Variants in MECOM observed in about 807,000 individuals in gnomAD.
MECOM encodes MDS1 and EVI1 complex locus.
MECOM carries 13 observed loss-of-function variants against 116.3 expected under a neutral mutation model. The observed-to-expected ratio is 0.11, with a 90% CI of 0.07 to 0.18. The LOEUF is 0.18. Ranked by LOEUF, MECOM falls within the 10% of genes least tolerant of loss-of-function variation. The pLI, the probability that MECOM is intolerant of heterozygous loss-of-function variation, is 1.00. For missense variants in MECOM, 1,299 were observed against 1,509.0 expected, an observed-to-expected ratio of 0.86 and a Z score of 2.31; for synonymous variants, 528 against 535.2, an observed-to-expected ratio of 0.99 and a Z score of 0.19.
chr3:169,423,730 G>T (rs1740162691), intron 1 of MECOM, among the ~76,000 whole-genome samples: 1 of 152,034 alleles, frequency 6.6e-6, no homozygotes. Flanking sequence ...GGAGGCTGAG[G>T]TCTGGGGGAG....
intron 1 of MECOM, among the ~76,000 whole-genome samples, chr3:169,659,808 G>A (rs1776039079): frequency 6.6e-6 from 1 of 152,060 alleles, no homozygotes; most frequent in South Asian, 2.1e-4. Flanking sequence ...CAGTTACTGG[G>A]CTGACAAGGT....
At chr3:169,208,753 A>G (rs2149468251) in intron 2 of MECOM, among the ~76,000 whole-genome samples, 1 of 152,282 alleles carries the variant, frequency 6.6e-6, no homozygotes, top group South Asian at 2.1e-4. Flanking sequence ...TATCATGAAA[A>G]TGGCCATACT....
At chr3:169,502,992 G>A (rs953265039) in intron 1 of MECOM, among the ~76,000 whole-genome samples, 5 of 152,042 alleles carry the variant, frequency 3.3e-5, no homozygotes, top group Non-Finnish European at 1.5e-5. Context: ...AATGAATTGA[G>A]AACACTAACA....
At position 169,084,752 on chromosome 3, in the gene MECOM, T is replaced by C. The variant is rs972646956; in HGVS notation, c.*157A>G. The C allele has an allele frequency of 9.3e-6, 7 of 755,400 alleles. No individual in the cohort carries two copies. Among genetic ancestry groups the C allele is most frequent in the Non-Finnish European group, 1.4e-5 (7 of 499,942 alleles). The allele number at this position is 755,400 out of a possible 1,614,324, so 46.8% of individuals were successfully genotyped here. A position where few individuals can be genotyped will look rare whatever the true frequency, so the allele number is the denominator to read the frequency against. Reference sequence around the variant, plus strand: ...AATAAATAGTTTCTTTTTTCTTTCTTTTCTTTTTTAAATCATTCAGTTTAA... The same window carrying C: ...AATAAATAGTTTCTTTTTTCTTTCTCTTCTTTTTTAAATCATTCAGTTTAA... On this transcript the variant is annotated 3_prime_UTR_variant, in exon 17 of 17. Transcript: ENST00000651503.
At chr3:169,095,274 G>C (rs770916724) in intron 12 of MECOM, 29 bp from the exon 13 acceptor site, 2 of 1,585,984 alleles carry the variant, frequency 1.3e-6, no homozygotes, top group Non-Finnish European at 1.7e-6. Context: ...GAAAATATTA[G>C]CAAGCACATT....
chr3:169,285,795 T>G (rs775525194), intron 2 of MECOM, among the ~76,000 whole-genome samples: 3 of 152,212 alleles, frequency 2.0e-5, no homozygotes, highest in Non-Finnish European at 2.9e-5. Context: ...TGCTATGGTG[T>G]TTCCTTGGGG....
At chr3:169,489,434 G>A (rs1425801240) in intron 1 of MECOM, among the ~76,000 whole-genome samples, 1 of 152,170 alleles carries the variant, frequency 6.6e-6, no homozygotes, top group Non-Finnish European at 1.5e-5. Flanking sequence ...AAGAATAAAT[G>A]ACTGAAACAA....
intron 6 of MECOM, 81 bp from the exon 7 acceptor site, chr3:169,121,290 A>G (rs1730951641): frequency 1.4e-6 from 2 of 1,389,084 alleles, no homozygotes. Flanking sequence ...CTCAAGAAGA[A>G]ATTTTTCTTA....
chr3:169,242,604 C>T (rs2149554589), intron 2 of MECOM, among the ~76,000 whole-genome samples: 1 of 152,200 alleles, frequency 6.6e-6, no homozygotes, highest in Admixed American at 6.5e-5. Flanking sequence ...GAGCAGGACG[C>T]GGGCTGCTCT....
intron 2 of MECOM, chr3:169,149,685 A>G (rs765036036): frequency 1.2e-4 from 56 of 485,372 alleles, no homozygotes; most frequent in Admixed American, 2.4e-4. Flanking sequence ...GGCTATTCCT[A>G]CGTCTGAGCT....
At chr3:169,497,654 G>A (rs868514536) in intron 1 of MECOM, among the ~76,000 whole-genome samples, 4 of 152,098 alleles carry the variant, frequency 2.6e-5, no homozygotes, top group African/African-American at 2.4e-5. Context: ...CACAGCTCCC[G>A]GCCAGTTTTT....
chr3:169,489,130 G>T (rs1162998852), intron 1 of MECOM, among the ~76,000 whole-genome samples: 1 of 151,974 alleles, frequency 6.6e-6, no homozygotes, highest in African/African-American at 2.4e-5. Context: ...TGAAAACCCA[G>T]ACAAAAGAAT....
chr3:169,180,815 C>A (rs1577270170), intron 2 of MECOM, among the ~76,000 whole-genome samples: 25 of 75,440 alleles, frequency 3.3e-4, no homozygotes, highest in Admixed American at 6.2e-4. Flanking sequence ...ATATATATAT[C>A]AGGCTGTGTG....
At chr3:169,126,196 G>C (rs16853205) in intron 5 of MECOM, among the ~76,000 whole-genome samples, 4,251 of 152,158 alleles carry the variant, frequency 0.028, 63 homozygotes, top group South Asian at 0.067. Context: ...GCATTAGATA[G>C]AGTTGACTCA....
intron 2 of MECOM, among the ~76,000 whole-genome samples, chr3:169,266,316 C>A (rs1758295980): frequency 6.6e-6 from 1 of 152,188 alleles, no homozygotes; most frequent in African/African-American, 2.4e-5. Context: ...GTTACTTCCC[C>A]ACATTAAGAC....
At chr3:169,452,833 C>T (rs1288752408) in intron 1 of MECOM, among the ~76,000 whole-genome samples, 2 of 152,106 alleles carry the variant, frequency 1.3e-5, no homozygotes, top group African/African-American at 4.8e-5. Flanking sequence ...TTCTATTTTT[C>T]TGTAAGGTTT....
Position 169,097,817 on chromosome 3 carries a change from T to TAAAAAAAAAAAAAAAAAAAA in MECOM, c.2850-2592_2850-2573dup, listed in dbSNP as rs539873617. On this transcript the variant is annotated intron_variant, in intron 12 of 16. Coordinates refer to ENST00000651503, the MANE Select transcript of MECOM (RefSeq NM_004991.4). ...AACAGAGTGAGACCTACTGTCTATA[T>TAAAAAAAAAAAAAAAAAAAA]AAAAAAAAAAAAAAAAAAAAAAAGG... Among the ~76,000 whole-genome samples the TAAAAAAAAAAAAAAAAAAAA allele has an allele frequency of 1.5e-3, 128 of 87,172 alleles. 14 individuals are homozygous for TAAAAAAAAAAAAAAAAAAAA. The highest frequency in any genetic ancestry group is 6.8e-3 in the Middle Eastern group (1 of 146). 57.2% of individuals were successfully genotyped at this position (87,172 alleles called of 152,430 possible). A position where few individuals can be genotyped will look rare whatever the true frequency, so the allele number is the denominator to read the frequency against.
At chr3:169,239,414 T>C (rs1486825317) in intron 2 of MECOM, among the ~76,000 whole-genome samples, 1 of 152,008 alleles carries the variant, frequency 6.6e-6, no homozygotes, top group Non-Finnish European at 1.5e-5. Flanking sequence ...ATACCACTGA[T>C]ATATTGGACA....
chr3:169,198,156 G>A (rs1003762107), intron 2 of MECOM, among the ~76,000 whole-genome samples: 7 of 151,900 alleles, frequency 4.6e-5, no homozygotes, highest in Admixed American at 2.0e-4. Flanking sequence ...TGATTCTTCT[G>A]ACAATAAAAG....
Sources: allele counts gnomAD v4.1 joint callset (sites outside exome capture counted in the v4.1 genomes callset), GRCh38; gene constraint gnomAD v4.1.1; transcripts MANE v1.5; gene names NCBI Gene and HGNC (gene_info 2026-07-23, HGNC 2026-07-21).